The following ADCY10 variants were observed in gnomAD, a reference collection of about 807,000 sequenced individuals.
The protein encoded by ADCY10 is adenylate cyclase 10.
Under a neutral mutation model 183.3 loss-of-function variants are expected in ADCY10, and 156 were observed. The ratio of observed to expected loss-of-function variants is 0.85; its 90% CI spans 0.75 to 0.97. The LOEUF is 0.97. Ranked by LOEUF, ADCY10 falls within the 50% of genes least tolerant of loss-of-function variation. The pLI is 0.00. For synonymous variants in ADCY10, 645 were observed against 670.0 expected (o/e 0.96, Z 0.58); for missense variants, 1,745 against 1,934.3 (o/e 0.90, Z 1.84).
intron 14 of ADCY10, 29 bp from the exon 15 acceptor site, chr1:167,861,092 G>A: frequency 1.3e-6 from 2 of 1,583,046 alleles, no homozygotes; most frequent in Non-Finnish European, 1.7e-6. Context: ...AGAAACAGAA[G>A]AGAGTTTTTA....
At chr1:167,854,288 T>C in intron 18 of ADCY10, 65 bp downstream of exon 18, 1 of 1,608,586 alleles carries the variant, frequency 6.2e-7, no homozygotes, top group Non-Finnish European at 8.5e-7. Flanking sequence ...TTTTGCTACC[T>C]TCTCTGAATG....
At chr1:167,851,992 T>C (rs1021637185) in intron 18 of ADCY10, among the ~76,000 whole-genome samples, 1 of 152,174 alleles carries the variant, frequency 6.6e-6, no homozygotes. Flanking sequence ...TCACCTAACA[T>C]GCAATTAATT....
intron 31 of ADCY10, among the ~76,000 whole-genome samples, chr1:167,814,084 A>G (rs1662373836): frequency 6.6e-6 from 1 of 152,192 alleles, no homozygotes; most frequent in Non-Finnish European, 1.5e-5. Context: ...GCTGTAAGGC[A>G]TATTGAAAAC....
rs1403391274 is a variant in ADCY10 at position 167,809,413 on chromosome 1, C to T, written c.*265G>A. On this transcript the variant is annotated 3_prime_UTR_variant, in exon 33 of 33. Transcript: ENST00000367851. ...GAGATTAATAATTTGTAATATGATA[C>T]AGTTTTGCATGGGCTGAAATAAACA... is the stretch of plus-strand genomic sequence containing the variant. 1 of 434,592 alleles carries T rather than the reference C, an allele frequency of 2.3e-6. No individual in the cohort carries two copies. The highest frequency in any genetic ancestry group is 2.0e-5 in the African/African-American group (1 of 50,240). The allele number at this position is 434,592 out of a possible 1,614,324, so 26.9% of individuals were successfully genotyped here.
chr1:167,901,663 T>A lies in ADCY10; in HGVS notation c.435A>T (p.Ile145=), dbSNP rs143952771. ...WEEGLDIRVK[I]GLAAGHISML... ...ATTTATTCCTTCTCAAATGCTTACC[T>A]ATCTTGACTCGGATGTCTAGGCCTT... The change falls in exon 5 of 33, where the codon ATA becomes ATT. Residue 145 remains isoleucine, a splice_region_variant and synonymous_variant. Transcript: ENST00000367851. The A allele has an allele frequency of 1.2e-6, 2 of 1,613,970 alleles. No individual in the cohort carries two copies. Among genetic ancestry groups the A allele is most frequent in the African/African-American group, 2.7e-5 (2 of 74,930 alleles).
At chr1:167,844,703 C>T (rs997990207) in intron 21 of ADCY10, among the ~76,000 whole-genome samples, 1 of 152,016 alleles carries the variant, frequency 6.6e-6, no homozygotes, top group Non-Finnish European at 1.5e-5. Flanking sequence ...AAATGGAGAA[C>T]GAATGAGAAA....
At chr1:167,880,770 T>C (rs1456011794) in intron 9 of ADCY10, among the ~76,000 whole-genome samples, 161 bp from the exon 10 acceptor site, 3 of 152,214 alleles carry the variant, frequency 2.0e-5, no homozygotes, top group Non-Finnish European at 4.4e-5. Context: ...CTTCAAACAC[T>C]TCTACTGCAT....
chr1:167,854,538 G>T, intron 17 of ADCY10, 49 bp from the exon 18 acceptor site: 1 of 1,604,624 alleles, frequency 6.2e-7, no homozygotes, highest in South Asian at 1.1e-5. Context: ...ACATCTTTTA[G>T]GAAGGAAAAA....
At chr1:167,895,180 CA>C (rs369502605) in intron 7 of ADCY10, among the ~76,000 whole-genome samples, 4,226 of 67,684 alleles carry the variant, frequency 0.062, 87 homozygotes, top group African/African-American at 0.13. Flanking sequence ...GACTCCATCT[CA>C]AAAAAAAAAA....
At chr1:167,885,260 G>T (rs1001939841) in intron 8 of ADCY10, among the ~76,000 whole-genome samples, 3 of 152,150 alleles carry the variant, frequency 2.0e-5, no homozygotes, top group African/African-American at 4.8e-5. Context: ...GGGAGTGTAG[G>T]TATCTCTTCA....
At chr1:167,891,097 G>T (rs552702222) in intron 8 of ADCY10, among the ~76,000 whole-genome samples, 26 of 152,130 alleles carry the variant, frequency 1.7e-4, no homozygotes, top group Non-Finnish European at 1.3e-4. Context: ...GAGTAGCTGG[G>T]ATTACAGGTG....
intron 16 of ADCY10, 97 bp downstream of exon 16, chr1:167,859,710 C>T (rs931078769): frequency 1.5e-5 from 13 of 891,672 alleles, no homozygotes; most frequent in Admixed American, 6.8e-5. Context: ...CTTCAAAAGC[C>T]TCTTGCCAAT....
At chr1:167,853,646 C>T (rs549961991) in intron 18 of ADCY10, among the ~76,000 whole-genome samples, 3 of 152,182 alleles carry the variant, frequency 2.0e-5, no homozygotes, top group African/African-American at 4.8e-5. Flanking sequence ...CTCCTTCATG[C>T]CATCACTTCA....
chr1:167,820,007 ACTTT>A (rs1203235241), intron 30 of ADCY10: 1 of 1,542,650 alleles, frequency 6.5e-7, no homozygotes, highest in East Asian at 2.2e-5. Flanking sequence ...TCTCCTTGGG[ACTTT>A]CTTCTTTTTT....
intron 8 of ADCY10, among the ~76,000 whole-genome samples, chr1:167,892,066 T>C (rs1027850304): frequency 6.6e-6 from 1 of 151,904 alleles, no homozygotes; most frequent in African/African-American, 2.4e-5. Flanking sequence ...CTCCGTCTCC[T>C]TGCTCAAGTG....
At position 167,822,002 on chromosome 1, in the gene ADCY10, G is replaced by A. The variant is rs1387867981; in HGVS notation, c.4286+22C>T. 3.5e-6 allele frequency: 5 copies of A among 1,438,990 alleles called. No homozygotes were observed. In the East Asian group the frequency reaches 1.1e-4, roughly 33 times the overall value. 89.1% of individuals were successfully genotyped at this position (1,438,990 alleles called of 1,614,324 possible). On this transcript the variant is annotated intron_variant, in intron 30 of 32. Transcript: ENST00000367851. ...TCAACATTTTCACTTTGGGAATTTA[G>A]TGATATGCCACACATTGTTACCAGA... is the stretch of plus-strand genomic sequence containing the variant.
At chr1:167,868,024 G>A (rs1399846728) in intron 14 of ADCY10, among the ~76,000 whole-genome samples, 3 of 152,120 alleles carry the variant, frequency 2.0e-5, no homozygotes, top group African/African-American at 7.2e-5. Context: ...ACGTATCTCT[G>A]GGCGTCGATA....
At position 167,870,423 on chromosome 1, in the gene ADCY10, G is replaced by A; in HGVS notation, c.1463-13C>T. On this transcript the variant is annotated splice_polypyrimidine_tract_variant and intron_variant, in intron 13 of 32. Transcript: ENST00000367851. ...TCTTTATTACGTCCTGTTATTTTTA[G>A]TTTTAAAAAAGAGCAAACTCAATCA... is the stretch of plus-strand genomic sequence containing the variant. 6.3e-7 allele frequency: 1 copy of A among 1,598,924 alleles called. No homozygotes were observed. Among genetic ancestry groups the A allele is most frequent in the Non-Finnish European group, 8.6e-7 (1 of 1,168,470 alleles).
intron 8 of ADCY10, among the ~76,000 whole-genome samples, chr1:167,888,731 C>T (rs991775224): frequency 6.6e-6 from 1 of 151,846 alleles, no homozygotes; most frequent in Admixed American, 6.6e-5. Context: ...AAAAAATTAG[C>T]GGGGCGTGGT....
Sources: allele counts gnomAD v4.1 joint callset (sites outside exome capture counted in the v4.1 genomes callset), GRCh38; gene constraint gnomAD v4.1.1; transcripts MANE v1.5; gene names NCBI Gene and HGNC (gene_info 2026-07-23, HGNC 2026-07-21).